Variants in CALN1 observed in about 807,000 individuals in gnomAD.
The protein encoded by CALN1 is calcium-binding protein 8.
Under a neutral mutation model 30.6 loss-of-function variants are expected in CALN1, and 17 were observed. The ratio of observed to expected loss-of-function variants is 0.56; its 90% CI spans 0.38 to 0.83. CALN1 has a LOEUF of 0.83. CALN1 is among the 40% of genes least tolerant of loss of function. The pLI, the probability that CALN1 is intolerant of heterozygous loss-of-function variation, is 0.00. For missense variants in CALN1, 291 were observed against 354.9 expected, an observed-to-expected ratio of 0.82 and a Z score of 1.45; for synonymous variants, 156 against 131.4, an observed-to-expected ratio of 1.19 and a Z score of -1.28.
At chr7:72,200,313 T>C (rs539564583) in intron 3 of CALN1, among the ~76,000 whole-genome samples, 15 of 152,238 alleles carry the variant, frequency 9.9e-5, no homozygotes, top group Admixed American at 6.5e-4. Context: ...GCAAATACCT[T>C]AACCTCTCCA....
chr7:71,857,600 CCT>C (rs765127769), intron 5 of CALN1, among the ~76,000 whole-genome samples: 19 of 152,176 alleles, frequency 1.2e-4, no homozygotes, highest in African/African-American at 3.6e-4. Flanking sequence ...CTCTCCTCCC[CCT>C]GTTCTCTTGG....
At chr7:72,422,753 C>T (rs1166507540) in intron 1 of CALN1, among the ~76,000 whole-genome samples, 1 of 152,164 alleles carries the variant, frequency 6.6e-6, no homozygotes, top group Non-Finnish European at 1.5e-5. Context: ...AACATCTTAT[C>T]TTCTTGGCTT....
upstream of CALN1, among the ~76,000 whole-genome samples, chr7:72,416,368 G>A (rs1807418545): frequency 6.6e-6 from 1 of 152,220 alleles, no homozygotes. Flanking sequence ...TAGTCACAGA[G>A]CTGTAATGCT....
intron 4 of CALN1, among the ~76,000 whole-genome samples, chr7:72,092,355 T>C (rs965155389): frequency 1.3e-5 from 2 of 152,088 alleles, no homozygotes; most frequent in Non-Finnish European, 2.9e-5. Flanking sequence ...GCCTAATACA[T>C]AGTCATGTTT....
At chr7:72,079,791 G>A (rs1805003116) in intron 4 of CALN1, among the ~76,000 whole-genome samples, 1 of 100,314 alleles carries the variant, frequency 1.0e-5, no homozygotes, top group African/African-American at 4.7e-5. Flanking sequence ...TTTTTTTGGA[G>A]ACAAGGCCTC....
At chr7:72,103,762 G>C (rs374491078) in intron 4 of CALN1, among the ~76,000 whole-genome samples, 3 of 150,912 alleles carry the variant, frequency 2.0e-5, no homozygotes, top group Non-Finnish European at 3.0e-5. Flanking sequence ...TGGAAATGGA[G>C]GGGGGGGGAA....
At chr7:72,367,707 C>T (rs893011129) in intron 2 of CALN1, among the ~76,000 whole-genome samples, 7 of 148,554 alleles carry the variant, frequency 4.7e-5, no homozygotes, top group South Asian at 2.1e-4. Context: ...TGGTGGCACA[C>T]GCCTGTGGTC....
chr7:72,358,071 A>G (rs1395162343), intron 2 of CALN1, among the ~76,000 whole-genome samples: 4 of 151,762 alleles, frequency 2.6e-5, no homozygotes, highest in Non-Finnish European at 5.9e-5. Flanking sequence ...AACTCACTGC[A>G]GCCTCAAACT....
intron 5 of CALN1, among the ~76,000 whole-genome samples, chr7:71,845,720 A>T (rs895129820): frequency 8.5e-5 from 13 of 152,118 alleles, no homozygotes; most frequent in African/African-American, 2.9e-4. Context: ...GATTCTGGTC[A>T]TCACTTCTAG....
chr7:72,434,748 G>A (rs1365429884), intron 1 of CALN1, among the ~76,000 whole-genome samples: 1 of 152,202 alleles, frequency 6.6e-6, no homozygotes, highest in African/African-American at 2.4e-5. Context: ...CCCTGTCTCT[G>A]AAAACGAGTA....
At chr7:72,340,308 A>G (rs781280112) in intron 2 of CALN1, among the ~76,000 whole-genome samples, 1 of 152,158 alleles carries the variant, frequency 6.6e-6, no homozygotes. Context: ...CCTGGCCTCA[A>G]GTAATCCTCC....
At chr7:72,397,670 C>T (rs1806051624) in intron 2 of CALN1, among the ~76,000 whole-genome samples, 1 of 150,970 alleles carries the variant, frequency 6.6e-6, no homozygotes. Context: ...AGTGAAGGAT[C>T]TCACTGCTCC....
the CALN1 span, among the ~76,000 whole-genome samples, chr7:72,468,017 T>C: frequency 1.3e-5 from 2 of 152,360 alleles, no homozygotes; most frequent in South Asian, 4.1e-4. Flanking sequence ...GTTTTGTGCA[T>C]AGCTTCTTTC....
chr7:71,927,930 G>C (rs1795350666), intron 5 of CALN1, among the ~76,000 whole-genome samples: 1 of 152,180 alleles, frequency 6.6e-6, no homozygotes, highest in Non-Finnish European at 1.5e-5. Context: ...CAAACACCCA[G>C]GAATGGAAGA....
At chr7:72,094,273 A>ATT (rs34777600) in intron 4 of CALN1, among the ~76,000 whole-genome samples, 22 of 151,050 alleles carry the variant, frequency 1.5e-4, no homozygotes, top group South Asian at 4.2e-4. Context: ...ACATACCAGA[A>ATT]TTTTTTTTTT....
chr7:72,271,575 A>AAAATATATATATATAT lies in CALN1; in HGVS notation c.244+7110_244+7111insATATATATATATATTT. ...CTGTGCCTGCCTTTTAAAAAAAAAA[A>AAAATATATATATATAT]ATATATATATATATATATAGTTTTC... On this transcript the variant is annotated intron_variant, in intron 3 of 6. Transcript: ENST00000395275. 1.1e-3 allele frequency among the ~76,000 whole-genome samples: 58 copies of AAAATATATATATATAT among 52,120 alleles called. 5 individuals carry two copies. The highest frequency in any genetic ancestry group is 9.9e-3 in the East Asian group (10 of 1,010). 34.2% of individuals were successfully genotyped at this position (52,120 alleles called of 152,430 possible).
At chr7:72,447,836 C>T (rs965343724), upstream of CALN1, among the ~76,000 whole-genome samples, 2 of 151,844 alleles carry the variant, frequency 1.3e-5, no homozygotes, top group African/African-American at 2.4e-5. Flanking sequence ...CATACCCACC[C>T]GTGTACACAC....
intron 5 of CALN1, among the ~76,000 whole-genome samples, chr7:71,888,180 A>C (rs542817047): frequency 6.6e-6 from 1 of 152,286 alleles, no homozygotes; most frequent in Non-Finnish European, 1.5e-5. Context: ...AAAAATGCTT[A>C]AGATGCTGGA....
chr7:72,487,887 AAG>A, the CALN1 span, among the ~76,000 whole-genome samples: 1 of 58,782 alleles, frequency 1.7e-5, no homozygotes, highest in East Asian at 9.3e-4. Flanking sequence ...AAAGAAAGAA[AAG>A]AAAAGAAAGA....
Sources: allele counts gnomAD v4.1 joint callset (sites outside exome capture counted in the v4.1 genomes callset), GRCh38; gene constraint gnomAD v4.1.1; transcripts MANE v1.5; gene names NCBI Gene and HGNC (gene_info 2026-07-23, HGNC 2026-07-21).